Variants in MPP7 observed in about 807,000 individuals in gnomAD.
MPP7 encodes the protein MAGUK p55 scaffold protein 7.
MPP7 carries 60 observed loss-of-function variants against 76.5 expected under a neutral mutation model. That is an observed-to-expected ratio of 0.78 (90% CI 0.64 to 0.97). The LOEUF (loss-of-function observed/expected upper bound fraction) is 0.97, where lower values mean the gene tolerates loss of function less well. Ranked by LOEUF, MPP7 falls within the 50% of genes least tolerant of loss-of-function variation. MPP7 has a pLI of 0.00. For synonymous variants in MPP7, 237 were observed against 244.5 expected (o/e 0.97, Z 0.29); for missense variants, 641 against 694.0 (o/e 0.92, Z 0.86).
chr10:28,118,862 G>T (rs1588798364), intron 11 of MPP7: 3 of 985,410 alleles, frequency 3.0e-6, no homozygotes, highest in East Asian at 1.1e-4. Flanking sequence ...ACAGATGTTG[G>T]TGTAAAATTC....
At chr10:28,078,505 G>A (rs1474478812) in intron 12 of MPP7, among the ~76,000 whole-genome samples, 1 of 152,194 alleles carries the variant, frequency 6.6e-6, no homozygotes, top group Non-Finnish European at 1.5e-5. Context: ...AAATGATTTT[G>A]GAGCTTATTA....
At chr10:28,275,827 A>G (rs866326924) in intron 1 of MPP7, among the ~76,000 whole-genome samples, 17 of 152,118 alleles carry the variant, frequency 1.1e-4, no homozygotes, top group Middle Eastern at 3.4e-3. Flanking sequence ...CGACAGAGCC[A>G]TTATGATAGG....
chr10:28,149,708 C>T (rs1187875982), intron 4 of MPP7, among the ~76,000 whole-genome samples: 1 of 131,332 alleles, frequency 7.6e-6, no homozygotes, highest in Non-Finnish European at 1.5e-5. Context: ...GACAGCTTCT[C>T]TCTCTCCAGA....
At chr10:28,101,066 T>C (rs1853803809) in intron 11 of MPP7, among the ~76,000 whole-genome samples, 1 of 152,146 alleles carries the variant, frequency 6.6e-6, no homozygotes, top group African/African-American at 2.4e-5. Flanking sequence ...AATTTTAATA[T>C]GTTTTCTCAG....
chr10:28,273,517 A>G (rs1198692838), intron 1 of MPP7, among the ~76,000 whole-genome samples: 1 of 150,598 alleles, frequency 6.6e-6, no homozygotes, highest in Non-Finnish European at 1.5e-5. Context: ...CCTCTCCTAC[A>G]GAAGAGTTAC....
intron 11 of MPP7, among the ~76,000 whole-genome samples, chr10:28,114,684 C>A (rs1183342759): frequency 6.6e-6 from 1 of 152,136 alleles, no homozygotes; most frequent in Non-Finnish European, 1.5e-5. Flanking sequence ...CACCCCCTAC[C>A]GCAATCCGTC....
intron 2 of MPP7, among the ~76,000 whole-genome samples, chr10:28,326,823 T>A (rs1370955921): frequency 6.6e-6 from 1 of 152,164 alleles, no homozygotes. Context: ...ACCAGAGAGT[T>A]TGCAAACCCC....
chr10:28,203,276 G>C (rs912390133), intron 2 of MPP7: 1 of 152,172 alleles, frequency 6.6e-6, no homozygotes, highest in Non-Finnish European at 1.5e-5. Context: ...CACAGGGACA[G>C]CTTTACAAGA....
intron 11 of MPP7, among the ~76,000 whole-genome samples, chr10:28,094,135 C>T (rs1052353490): frequency 6.6e-6 from 1 of 152,212 alleles, no homozygotes; most frequent in Middle Eastern, 3.2e-3. Flanking sequence ...CCCCGCGGGG[C>T]AGCCATACGC....
chr10:28,319,557 AAG>A (rs1005192900), intron 2 of MPP7, among the ~76,000 whole-genome samples: 3 of 151,744 alleles, frequency 2.0e-5, no homozygotes, highest in Non-Finnish European at 4.4e-5. Context: ...CTGGGAAAAA[AAG>A]AGAGAGAGAG....
At chr10:28,238,473 G>T in intron 2 of MPP7, 95 bp downstream of exon 2, 1 of 1,317,494 alleles carries the variant, frequency 7.6e-7, no homozygotes, top group South Asian at 1.2e-5. Context: ...AAACAAGCAT[G>T]ATCTGCCTGC....
At chr10:28,200,899 A>G (rs1298559390) in intron 3 of MPP7, among the ~76,000 whole-genome samples, 1 of 152,206 alleles carries the variant, frequency 6.6e-6, no homozygotes, top group Non-Finnish European at 1.5e-5. Flanking sequence ...CACCTCAAAT[A>G]TATTTTATTC....
intron 11 of MPP7, among the ~76,000 whole-genome samples, chr10:28,109,848 CAAAAAAAAAAAA>C (rs869206744): frequency 5.2e-5 from 1 of 19,214 alleles, no homozygotes; most frequent in South Asian, 2.9e-3. Flanking sequence ...GCCGCAGACG[CAAAAAAAAAAAA>C]AAAAAAAAAA....
intron 1 of MPP7, among the ~76,000 whole-genome samples, chr10:28,263,464 T>C (rs1386829106): frequency 1.3e-5 from 2 of 152,236 alleles, no homozygotes; most frequent in African/African-American, 4.8e-5. Context: ...GATCCACCAC[T>C]GCCAGTTGGC....
At chr10:28,238,963 T>G (rs1839172420) in intron 1 of MPP7, among the ~76,000 whole-genome samples, 1 of 151,252 alleles carries the variant, frequency 6.6e-6, no homozygotes, top group Admixed American at 6.6e-5. Flanking sequence ...TGAGGATTCC[T>G]TAAAGATTTT....
intron 1 of MPP7, among the ~76,000 whole-genome samples, chr10:28,300,115 T>A (rs1368193592): frequency 6.6e-6 from 1 of 152,178 alleles, no homozygotes; most frequent in African/African-American, 2.4e-5. Flanking sequence ...GAATTGCAAT[T>A]AGGAGAGAAA....
intron 10 of MPP7, 108 bp downstream of exon 10, chr10:28,120,086 T>C (rs1034065857): frequency 3.2e-6 from 4 of 1,233,476 alleles, no homozygotes; most frequent in Middle Eastern, 2.8e-4. Flanking sequence ...TAAAAAATTC[T>C]AAGGCAAGGT....
intron 2 of MPP7, among the ~76,000 whole-genome samples, chr10:28,203,942 T>C (rs982642154): frequency 2.6e-4 from 39 of 152,290 alleles, no homozygotes; most frequent in African/African-American, 9.4e-4. Context: ...AAGTACTCAA[T>C]ACATTTCACA....
At chr10:28,111,645 C>T (rs1834510008) in intron 11 of MPP7, among the ~76,000 whole-genome samples, 1 of 152,072 alleles carries the variant, frequency 6.6e-6, no homozygotes, top group Non-Finnish European at 1.5e-5. Flanking sequence ...TAACAATAAC[C>T]TGACAATTAT....
Sources: allele counts gnomAD v4.1 joint callset (sites outside exome capture counted in the v4.1 genomes callset), GRCh38; gene constraint gnomAD v4.1.1; transcripts MANE v1.5; gene names NCBI Gene and HGNC (gene_info 2026-07-23, HGNC 2026-07-21).